Variants in STX3 observed in about 807,000 individuals in gnomAD.
STX3 encodes the protein syntaxin 3.
Under a neutral mutation model 40.2 loss-of-function variants are expected in STX3, and 19 were observed. The ratio of observed to expected loss-of-function variants is 0.47; its 90% confidence interval spans 0.33 to 0.69. The LOEUF (loss-of-function observed/expected upper bound fraction) is 0.69, where lower values mean the gene tolerates loss of function less well. STX3 is among the 30% of genes least tolerant of loss of function. The pLI is 0.02. For synonymous variants in STX3, 122 were observed against 132.2 expected, an observed-to-expected ratio of 0.92 and a Z score of 0.53; for missense variants, 364 against 366.7, an observed-to-expected ratio of 0.99 and a Z score of 0.06.
chr11:59,773,272 T>C lies in STX3; in HGVS notation c.92T>C (p.Phe31Ser). 6.2e-7 allele frequency: 1 copy of C among 1,614,148 alleles called. No individual in the cohort carries two copies. The highest frequency in any genetic ancestry group is 1.1e-5 in the South Asian group (1 of 91,078). ...GAGATTGCTATCGACAACACGGCTTTTATGGACGAGTTCTTTTCTGAGGTA... is the reference window on the plus strand; with the variant it reads ...GAGATTGCTATCGACAACACGGCTTCTATGGACGAGTTCTTTTCTGAGGTA... ...AVEIAIDNTA[F>S]MDEFFSEIEE... The change falls in exon 2 of 11, where the codon TTT becomes TCT. Residue 31 changes from phenylalanine (F) to serine (S), a missense_variant. Physicochemically the swap from Phe to Ser is radical, Grantham distance 155. Transcript: ENST00000337979.
At chr11:59,759,324 ACAACT>A (rs1365437731) in intron 1 of STX3, among the ~76,000 whole-genome samples, 5 of 152,220 alleles carry the variant, frequency 3.3e-5, no homozygotes, top group Non-Finnish European at 7.3e-5. Context: ...AAGCATATAA[ACAACT>A]CAAGGGAGCA....
In STX3 at chr11:59,788,857, G is replaced by C. The variant is rs750829519; in HGVS notation, c.215-16G>C. On this transcript the variant is annotated splice_polypyrimidine_tract_variant and intron_variant, in intron 3 of 10. Coordinates refer to ENST00000337979, the MANE Select transcript of STX3 (RefSeq NM_004177.5). ...CTCTCCTTTCTAACGGATTCTGCCT[G>C]CCTTTATTTACCCAGAAACCAAGGA... 6.2e-7 allele frequency: 1 copy of C among 1,608,994 alleles called. No homozygotes were observed. Among genetic ancestry groups the C allele is most frequent in the Non-Finnish European group, 8.5e-7 (1 of 1,177,154 alleles).
intron 6 of STX3, 94 bp downstream of exon 6, chr11:59,792,309 C>A: frequency 9.6e-7 from 1 of 1,039,436 alleles, no homozygotes; most frequent in Non-Finnish European, 1.5e-6. Context: ...AAGCAGGAAG[C>A]ACATTTTGTG....
Position 59,801,673 on chromosome 11 carries a change from G to A in STX3, c.*849G>A, listed in dbSNP as rs1009171650. 10 of 985,668 alleles carry A rather than the reference G, an allele frequency of 1.0e-5. No individual in the cohort carries two copies. The South Asian group carries it at 4.2e-4, about 42-fold the overall frequency. 61.1% of individuals were successfully genotyped at this position (985,668 alleles called of 1,614,324 possible). A position where few individuals can be genotyped will look rare whatever the true frequency, so the allele number is the denominator to read the frequency against. On this transcript the variant is annotated 3_prime_UTR_variant, in exon 11 of 11. Transcript: ENST00000337979. ...TTTTAAATTGGGCAAGGGACAAGGT[G>A]CTAGAATCCTAAGCTCTGGAAATAT...
chr11:59,796,762 A>G (rs1865539910), intron 9 of STX3, among the ~76,000 whole-genome samples: 1 of 152,194 alleles, frequency 6.6e-6, no homozygotes, highest in African/African-American at 2.4e-5. Flanking sequence ...GAGCTGAGAG[A>G]GGCCCCATAT....
chr11:59,789,858 C>G (rs1292031670), intron 4 of STX3, among the ~76,000 whole-genome samples: 5 of 152,168 alleles, frequency 3.3e-5, no homozygotes, highest in African/African-American at 7.2e-5. Flanking sequence ...CTCACTCCCC[C>G]CATTTGGGAG....
chr11:59,796,476 C>G (rs986839139), intron 9 of STX3, among the ~76,000 whole-genome samples: 23 of 152,282 alleles, frequency 1.5e-4, no homozygotes, highest in Admixed American at 4.6e-4. Context: ...TTACCTATTG[C>G]TTATGCAGGG....
intron 1 of STX3, among the ~76,000 whole-genome samples, chr11:59,758,371 T>A (rs1252450817): frequency 6.6e-6 from 1 of 152,234 alleles, no homozygotes; most frequent in Non-Finnish European, 1.5e-5. Context: ...AAATGCTTAA[T>A]TGTGAGCCTG....
chr11:59,770,970 G>A (rs1863588955), intron 1 of STX3, among the ~76,000 whole-genome samples: 1 of 152,148 alleles, frequency 6.6e-6, no homozygotes, highest in Non-Finnish European at 1.5e-5. Flanking sequence ...TCTGGGGGCA[G>A]CCATCAACTG....
chr11:59,773,152 A>G, intron 1 of STX3, 59 bp from the exon 2 acceptor site: 2 of 1,535,762 alleles, frequency 1.3e-6, no homozygotes, highest in Admixed American at 3.4e-5. Context: ...GTGAGCATTC[A>G]ATAATTTAGC....
At chr11:59,780,934 G>A (rs923990142) in intron 2 of STX3, among the ~76,000 whole-genome samples, 14 of 152,144 alleles carry the variant, frequency 9.2e-5, no homozygotes, top group Non-Finnish European at 1.8e-4. Flanking sequence ...TCATTGGTCA[G>A]TATAATTCTG....
rs1166945029 is a variant in STX3 at position 59,802,245 on chromosome 11, A to G, written c.*1421A>G. On this transcript the variant is annotated 3_prime_UTR_variant, in exon 11 of 11. Coordinates refer to ENST00000337979, the MANE Select transcript of STX3 (RefSeq NM_004177.5). ...GAATTCTTATCATGGAAACAGCAGC[A>G]GCAGCCGCTAGGAAATCTTCAAGTG... is the stretch of plus-strand genomic sequence containing the variant. 1.0e-6 allele frequency: 1 copy of G among 985,516 alleles called. No homozygotes were observed. The highest frequency in any genetic ancestry group is 1.7e-5 in the African/African-American group (1 of 57,366). The allele number at this position is 985,516 out of a possible 1,614,324, so 61.0% of individuals were successfully genotyped here.
chr11:59,758,713 A>G (rs894190874), intron 1 of STX3, among the ~76,000 whole-genome samples: 1 of 152,140 alleles, frequency 6.6e-6, no homozygotes, highest in Non-Finnish European at 1.5e-5. Flanking sequence ...CAGTGCCTCT[A>G]CCCAGCCTAT....
At chr11:59,791,227 G>T (rs767485652) in intron 5 of STX3, among the ~76,000 whole-genome samples, 1 of 152,308 alleles carries the variant, frequency 6.6e-6, no homozygotes, top group South Asian at 2.1e-4. Flanking sequence ...GTGGTTGGTA[G>T]TGGTGGTGGG....
intron 5 of STX3, 44 bp downstream of exon 5, chr11:59,790,630 A>G (rs1281300599): frequency 4.1e-6 from 6 of 1,449,546 alleles, no homozygotes; most frequent in South Asian, 2.3e-5. Context: ...CCAATCTCTT[A>G]TTGTTTTCCC....
chr11:59,776,969 G>C (rs149741631), intron 2 of STX3, among the ~76,000 whole-genome samples: 1 of 152,190 alleles, frequency 6.6e-6, no homozygotes, highest in Non-Finnish European at 1.5e-5. Context: ...AACATTAGGG[G>C]TTTATTTTTC....
At position 59,803,406 on chromosome 11, in the gene STX3, A is replaced by G. The variant is rs971169728; in HGVS notation, c.*2582A>G. ...ATCTGGGTGGGATTAGGTGCTAATA[A>G]TGGTTAGAGAAAACTAAAGAAAGGG... On this transcript the variant is annotated 3_prime_UTR_variant, in exon 11 of 11. Coordinates refer to ENST00000337979, the MANE Select transcript of STX3 (RefSeq NM_004177.5). 4.9e-6 allele frequency: 3 copies of G among 608,656 alleles called. No homozygotes were observed. The highest frequency in any genetic ancestry group is 4.4e-5 in the Admixed American group (1 of 22,856). The allele number at this position is 608,656 out of a possible 1,614,324, so 37.7% of individuals were successfully genotyped here. A position where few individuals can be genotyped will look rare whatever the true frequency, so the allele number is the denominator to read the frequency against.
chr11:59,800,346 G>A, intron 10 of STX3: 3 of 985,330 alleles, frequency 3.0e-6, no homozygotes, highest in Non-Finnish European at 3.6e-6. Context: ...TTACAGACGG[G>A]GAAAGAGCAA....
At chr11:59,796,607 T>G (rs971648267) in intron 9 of STX3, among the ~76,000 whole-genome samples, 3 of 152,152 alleles carry the variant, frequency 2.0e-5, no homozygotes, top group African/African-American at 7.2e-5. Context: ...AAATTAGAAC[T>G]CTATCAAAAA....
Sources: gnomAD v4.1 joint callset for allele counts (sites outside exome capture counted in the v4.1 genomes callset) on GRCh38, gnomAD v4.1.1 for gene constraint, MANE v1.5 for transcripts, NCBI Gene and HGNC (gene_info 2026-07-23, HGNC 2026-07-21) for gene names.